The following YAF2 variants were observed in gnomAD, a reference collection of about 807,000 sequenced individuals.
YAF2 encodes the protein YY1 associated factor 2, also known as YY1-associated factor 2.
In YAF2, 7 loss-of-function variants were observed where a neutral mutation model predicts 20.1. The observed-to-expected ratio is 0.35, with a 90% CI of 0.20 to 0.65. YAF2 has a LOEUF of 0.65. Among genes scored for constraint, YAF2 ranks in the 30% least tolerant of loss-of-function variants. YAF2 has a pLI of 0.69. For synonymous variants in YAF2, 74 were observed against 76.0 expected, an observed-to-expected ratio of 0.97 and a Z score of 0.14; for missense variants, 151 against 219.2, an observed-to-expected ratio of 0.69 and a Z score of 1.96.
rs529806518 is a variant in YAF2 at position 42,177,576 on chromosome 12, C to A, written c.153-15811G>T. The stretch of plus-strand genomic sequence containing the variant: ...TCATTTAATCTTAATTGCCTCCTAC[C>A]AGCCTTATCTCCAAATACAGTCACA... On this transcript the variant is annotated intron_variant, in intron 2 of 3. Coordinates refer to ENST00000534854, the MANE Select transcript of YAF2 (RefSeq NM_005748.6). 3.3e-5 allele frequency among the ~76,000 whole-genome samples: 5 copies of A among 152,202 alleles called. No homozygotes were observed. In the East Asian group the frequency reaches 9.7e-4, roughly 29 times the overall value.
chr12:42,211,742 C>CAAAA (rs1173533325), intron 2 of YAF2, among the ~76,000 whole-genome samples: 11 of 42,398 alleles, frequency 2.6e-4, no homozygotes, highest in Non-Finnish European at 5.1e-5. Flanking sequence ...AGACTCTGTC[C>CAAAA]AAAAAAAAAA....
chr12:42,194,682 CAT>C (rs1413265007), intron 2 of YAF2, among the ~76,000 whole-genome samples: 2 of 152,136 alleles, frequency 1.3e-5, no homozygotes, highest in African/African-American at 4.8e-5. Flanking sequence ...AAATCAGTAA[CAT>C]AAAAATTTTT....
chr12:42,189,052 G>C (rs1247005902), intron 2 of YAF2, among the ~76,000 whole-genome samples: 2 of 152,164 alleles, frequency 1.3e-5, no homozygotes, highest in Non-Finnish European at 2.9e-5. Flanking sequence ...CCTTCCTGTA[G>C]AGATGATTTT....
intron 2 of YAF2, among the ~76,000 whole-genome samples, chr12:42,202,789 C>A (rs1208624571): frequency 6.6e-6 from 1 of 152,098 alleles, no homozygotes; most frequent in Non-Finnish European, 1.5e-5. Context: ...CAGGCACATG[C>A]CACCATGCCC....
intron 2 of YAF2, among the ~76,000 whole-genome samples, chr12:42,228,266 C>T (rs1274761014): frequency 1.3e-5 from 1 of 74,936 alleles, no homozygotes; most frequent in Non-Finnish European, 2.4e-5. Flanking sequence ...GCCCCCCGCC[C>T]GCGCCAGCCG....
chr12:42,201,051 T>C (rs867138007), intron 2 of YAF2, among the ~76,000 whole-genome samples: 5 of 152,230 alleles, frequency 3.3e-5, no homozygotes, highest in East Asian at 1.9e-4. Flanking sequence ...GTTTCTTAAG[T>C]TGAAATAAAT....
chr12:42,230,393 T>C (rs1189538180), intron 2 of YAF2, among the ~76,000 whole-genome samples: 1 of 151,958 alleles, frequency 6.6e-6, no homozygotes, highest in Non-Finnish European at 1.5e-5. Context: ...GCTAGGAAGG[T>C]AGTTTAGGGA....
chr12:42,172,702 G>C (rs1461880107), intron 2 of YAF2, among the ~76,000 whole-genome samples: 3 of 152,140 alleles, frequency 2.0e-5, no homozygotes, highest in Non-Finnish European at 4.4e-5. Flanking sequence ...GTTCACAGAA[G>C]CATTATCCTT....
At chr12:42,226,899 G>T (rs1002770135) in intron 2 of YAF2, among the ~76,000 whole-genome samples, 22 of 150,500 alleles carry the variant, frequency 1.5e-4, no homozygotes, top group Non-Finnish European at 2.5e-4. Flanking sequence ...GCGGGCTGGG[G>T]TCGGTGGCTT....
At chr12:42,203,579 A>C (rs1304856264) in intron 2 of YAF2, among the ~76,000 whole-genome samples, 1 of 152,126 alleles carries the variant, frequency 6.6e-6, no homozygotes, top group Non-Finnish European at 1.5e-5. Flanking sequence ...ATAGTGTAAG[A>C]GTGGTTTTTT....
chr12:42,216,338 T>C (rs2067357246), intron 2 of YAF2, among the ~76,000 whole-genome samples: 5 of 152,162 alleles, frequency 3.3e-5, no homozygotes, highest in Admixed American at 3.3e-4. Flanking sequence ...AAATACTACA[T>C]GGAACTTGAG....
intron 2 of YAF2, among the ~76,000 whole-genome samples, chr12:42,209,381 T>A (rs547250493): frequency 6.6e-6 from 1 of 151,528 alleles, no homozygotes; most frequent in Non-Finnish European, 1.5e-5. Flanking sequence ...CTGGGCAACA[T>A]GGCAAAACCC....
At chr12:42,165,349 G>A (rs73127435) in intron 2 of YAF2, among the ~76,000 whole-genome samples, 7,035 of 152,170 alleles carry the variant, frequency 0.046, 257 homozygotes, top group East Asian at 0.15. Flanking sequence ...ACAATGAAAC[G>A]ACTTCATTAA....
chr12:42,204,494 A>C (rs1425585554), intron 2 of YAF2, among the ~76,000 whole-genome samples: 2 of 152,198 alleles, frequency 1.3e-5, no homozygotes, highest in African/African-American at 2.4e-5. Flanking sequence ...ATTAAAAGTA[A>C]TCTAGAGATC....
intron 2 of YAF2, among the ~76,000 whole-genome samples, chr12:42,172,917 T>C (rs1032809948): frequency 6.6e-6 from 1 of 152,220 alleles, no homozygotes; most frequent in Non-Finnish European, 1.5e-5. Context: ...TGCATGGTTC[T>C]GTTTATATAA....
At chr12:42,194,412 G>A (rs1355818411) in intron 2 of YAF2, among the ~76,000 whole-genome samples, 1 of 152,182 alleles carries the variant, frequency 6.6e-6, no homozygotes, top group Non-Finnish European at 1.5e-5. Flanking sequence ...GGGAGGCTGA[G>A]ACAGGCAGAT....
At chr12:42,186,768 C>T (rs780120053) in intron 2 of YAF2, among the ~76,000 whole-genome samples, 1 of 152,140 alleles carries the variant, frequency 6.6e-6, no homozygotes, top group Non-Finnish European at 1.5e-5. Flanking sequence ...TTTGCCAATG[C>T]CTCAATTTGG....
chr12:42,159,209 T>C lies in YAF2; in HGVS notation c.*1380A>G, dbSNP rs1205037604. ...ATATCACAACTGTTAGGGTCTACAG[T>C]TTTATTTTTTCTTCAAATGTTATCA... On this transcript the variant is annotated 3_prime_UTR_variant, in exon 4 of 4. Transcript: ENST00000534854. 1 of 152,108 alleles carries C rather than the reference T, an allele frequency of 6.6e-6. No individual in the cohort carries two copies. Among genetic ancestry groups the C allele is most frequent in the Non-Finnish European group, 1.5e-5 (1 of 67,966 alleles). The allele number at this position is 152,108 out of a possible 1,614,324, so 9.4% of individuals were successfully genotyped here.
chr12:42,196,221 C>T (rs962845748), intron 2 of YAF2, among the ~76,000 whole-genome samples: 2 of 106,566 alleles, frequency 1.9e-5, no homozygotes, highest in Non-Finnish European at 3.6e-5. Context: ...AGCAAGAATC[C>T]ATCTGGAAAA....
Sources: gnomAD v4.1 joint callset for allele counts (sites outside exome capture counted in the v4.1 genomes callset) on GRCh38, gnomAD v4.1.1 for gene constraint, MANE v1.5 for transcripts, NCBI Gene and HGNC (gene_info 2026-07-23, HGNC 2026-07-21) for gene names.